The following TRIM24 variants were observed in gnomAD, a reference collection of about 807,000 sequenced individuals.
The protein encoded by TRIM24 is tripartite motif containing 24, also known as transcription intermediary factor 1-alpha.
TRIM24 carries 29 observed loss-of-function variants against 123.9 expected under a neutral mutation model. The observed-to-expected ratio is 0.23, with a 90% CI of 0.17 to 0.32. The LOEUF (loss-of-function observed/expected upper bound fraction) is 0.32. Among genes scored for constraint, TRIM24 ranks in the 10% least tolerant of loss-of-function variants. The probability of loss-of-function intolerance (pLI) is 1.00; values close to 1 mark genes in which losing one functional copy is unlikely to be tolerated. For missense variants in TRIM24, 932 were observed against 1,295.3 expected (o/e 0.72, Z 4.31); for synonymous variants, 456 against 461.1 (o/e 0.99, Z 0.14).
In TRIM24 at chr7:138,586,952, C is replaced by G. The variant is rs1026605216; in HGVS notation, c.*2001C>G. ...AAACTGTCACTATTACATTCAGTGC[C>G]ATATTTATCTTTCAAAACAGTATTT... On this transcript the variant is annotated 3_prime_UTR_variant, in exon 19 of 19. Coordinates refer to ENST00000343526, the MANE Select transcript of TRIM24 (RefSeq NM_015905.3). 1 of 152,146 alleles carries G rather than the reference C, an allele frequency of 6.6e-6. No homozygotes were observed. The highest frequency in any genetic ancestry group is 2.4e-5 in the African/African-American group (1 of 41,422). The allele number at this position is 152,146 out of a possible 1,614,324, so 9.4% of individuals were successfully genotyped here. A position where few individuals can be genotyped will look rare whatever the true frequency, so the allele number is the denominator to read the frequency against.
chr7:138,555,616 A>G lies in TRIM24; in HGVS notation c.1530+650A>G, dbSNP rs531972586. Among the ~76,000 whole-genome samples the G allele has an allele frequency of 4.0e-5, 6 of 151,286 alleles. No homozygotes were observed. The East Asian group carries it at 9.8e-4, about 25-fold the overall frequency. ...TCCCACCTCAGCCTCCCAAGTAGCT[A>G]GGACTATAGGCATGTGCCACCACAC... On this transcript the variant is annotated intron_variant, in intron 9 of 18. Coordinates refer to ENST00000343526, the MANE Select transcript of TRIM24 (RefSeq NM_015905.3).
chr7:138,550,344 T>TGTGC (rs1271249763), intron 7 of TRIM24, among the ~76,000 whole-genome samples: 4 of 151,850 alleles, frequency 2.6e-5, no homozygotes, highest in East Asian at 1.9e-4. Flanking sequence ...TGTGTGTGTG[T>TGTGC]GCAAAGTCTT....
intron 10 of TRIM24, among the ~76,000 whole-genome samples, chr7:138,569,645 T>A (rs1286713957): frequency 6.6e-6 from 1 of 151,594 alleles, no homozygotes; most frequent in Non-Finnish European, 1.5e-5. Context: ...GAGGGAGGAG[T>A]AGGTGGTAAA....
chr7:138,538,330 A>G (rs1796936159), intron 6 of TRIM24, among the ~76,000 whole-genome samples: 1 of 152,128 alleles, frequency 6.6e-6, no homozygotes. Flanking sequence ...CATCTGTTTT[A>G]TTTGTGAATG....
intron 17 of TRIM24, 41 bp from the exon 18 acceptor site, chr7:138,583,809 A>C: frequency 7.4e-7 from 1 of 1,352,280 alleles, no homozygotes. Context: ...GACAAGGTGG[A>C]ATTTAGCTAT....
intron 4 of TRIM24, 149 bp downstream of exon 4, chr7:138,519,470 C>A: frequency 1.2e-6 from 1 of 826,784 alleles, no homozygotes; most frequent in Non-Finnish European, 1.8e-6. Flanking sequence ...TCACTTTTGA[C>A]ACTATTGATG....
At position 138,586,786 on chromosome 7, in the gene TRIM24, G is replaced by T. The variant is rs777379246; in HGVS notation, c.*1835G>T. On this transcript the variant is annotated 3_prime_UTR_variant, in exon 19 of 19. Coordinates refer to ENST00000343526, the MANE Select transcript of TRIM24 (RefSeq NM_015905.3). ...TTGTTGGTATCTTAGAATACTGTTCGTCTGACAGTTTATTCTTCCATACTT... is the reference window on the plus strand; with the variant it reads ...TTGTTGGTATCTTAGAATACTGTTCTTCTGACAGTTTATTCTTCCATACTT... 6.6e-6 allele frequency: 1 copy of T among 152,100 alleles called. No individual in the cohort carries two copies. The highest frequency in any genetic ancestry group is 2.4e-5 in the African/African-American group (1 of 41,432). 9.4% of individuals were successfully genotyped at this position (152,100 alleles called of 1,614,324 possible). A position where few individuals can be genotyped will look rare whatever the true frequency, so the allele number is the denominator to read the frequency against.
intron 5 of TRIM24, 41 bp from the exon 6 acceptor site, chr7:138,529,075 C>CA (rs767143439): frequency 8.6e-6 from 11 of 1,273,440 alleles, no homozygotes; most frequent in Admixed American, 2.6e-5. Flanking sequence ...AAATATTATA[C>CA]AAAAAAACTG....
chr7:138,560,382 T>G (rs1189992286), intron 9 of TRIM24, among the ~76,000 whole-genome samples: 1 of 152,214 alleles, frequency 6.6e-6, no homozygotes, highest in African/African-American at 2.4e-5. Flanking sequence ...TCATGCTTTC[T>G]CTGTTCTGGT....
chr7:138,460,979 C>T (rs1410525679), intron 1 of TRIM24, 67 bp downstream of exon 1: 1 of 1,315,736 alleles, frequency 7.6e-7, no homozygotes, highest in Non-Finnish European at 9.7e-7. Flanking sequence ...CGCCCTTGTG[C>T]GGCGCGACCC....
Position 138,579,309 on chromosome 7 carries a change from G to T in TRIM24, c.2362G>T (p.Asp788Tyr). The change falls in exon 15 of 19, where the codon GAT (aspartate) becomes TAT (tyrosine). Residue 788 changes from aspartate to tyrosine, a missense_variant. Physicochemically the swap from Asp to Tyr is radical, Grantham distance 160. Coordinates refer to ENST00000343526, the MANE Select transcript of TRIM24 (RefSeq NM_015905.3). The stretch of plus-strand genomic sequence containing the variant: ...ATCAGATGCCCCTGATAGTACAGGA[G>T]ATCAACCTGGACTTCACCAGGACAA... ...LRSDAPDSTG[D>Y]QPGLHQDNSS... The T allele has an allele frequency of 1.2e-6, 2 of 1,614,162 alleles. No individual in the cohort carries two copies. The highest frequency in any genetic ancestry group is 1.7e-6 in the Non-Finnish European group (2 of 1,180,008).
intron 7 of TRIM24, among the ~76,000 whole-genome samples, chr7:138,539,176 C>A (rs545686458): frequency 6.6e-6 from 1 of 151,960 alleles, no homozygotes; most frequent in East Asian, 1.9e-4. Context: ...CTATTCACCC[C>A]CCTTGTACAC....
chr7:138,469,700 C>T (rs976080955), intron 1 of TRIM24, among the ~76,000 whole-genome samples: 4 of 152,054 alleles, frequency 2.6e-5, no homozygotes, highest in Non-Finnish European at 4.4e-5. Flanking sequence ...TGTGGTGTGG[C>T]ACACCACATA....
Position 138,579,242 on chromosome 7 carries a change from A to AAAT in TRIM24, c.2297_2299dup (p.Asn766dup), listed in dbSNP as rs1797841814. 1.2e-6 allele frequency: 2 copies of AAAT among 1,608,068 alleles called. No homozygotes were observed. Among genetic ancestry groups the AAAT allele is most frequent in the Non-Finnish European group, 1.7e-6 (2 of 1,176,252 alleles). On this transcript the variant is annotated inframe_insertion, in exon 15 of 19. Coordinates refer to ENST00000343526, the MANE Select transcript of TRIM24 (RefSeq NM_015905.3). ...GAAGCATACTCACCTCCCTGCTCTT[A>AAAT]AATAGCAGTCAGAGCTCTACTTCTG...
chr7:138,517,587 T>G (rs560824173), intron 3 of TRIM24, among the ~76,000 whole-genome samples: 25 of 152,282 alleles, frequency 1.6e-4, no homozygotes, highest in African/African-American at 5.5e-4. Context: ...TTGGCCAGGC[T>G]GGTCTCGAAC....
At chr7:138,466,517 T>G (rs1451218981) in intron 1 of TRIM24, among the ~76,000 whole-genome samples, 1 of 120,206 alleles carries the variant, frequency 8.3e-6, no homozygotes, top group Non-Finnish European at 1.6e-5. Context: ...CATACTGGAG[T>G]GCAGTGGCGC....
intron 15 of TRIM24, among the ~76,000 whole-genome samples, chr7:138,579,904 C>CA (rs1797856111): frequency 1.3e-5 from 2 of 152,126 alleles, no homozygotes; most frequent in South Asian, 4.2e-4. Flanking sequence ...GACTGGGCAA[C>CA]AGAGCAAGAC....
At chr7:138,489,333 T>C (rs1287662767) in intron 1 of TRIM24, among the ~76,000 whole-genome samples, 1 of 152,216 alleles carries the variant, frequency 6.6e-6, no homozygotes, top group Non-Finnish European at 1.5e-5. Flanking sequence ...AATTGGGGCA[T>C]TTAGCCCATT....
rs774022911 is a variant in TRIM24, at chr7:138,580,730, T to C, written c.2718+36T>C. The stretch of plus-strand genomic sequence containing the variant: ...GGTAAGATGCATTATTGTATTGTAG[T>C]GCAATATTGTACTGTGGTACCTTTT... On this transcript the variant is annotated intron_variant, in intron 16 of 18. Coordinates refer to ENST00000343526, the MANE Select transcript of TRIM24 (RefSeq NM_015905.3). 2.5e-6 allele frequency: 4 copies of C among 1,598,992 alleles called. No homozygotes were observed. In the East Asian group the frequency reaches 9.0e-5, roughly 36 times the overall value.
Sources: allele counts gnomAD v4.1 joint callset (sites outside exome capture counted in the v4.1 genomes callset), GRCh38; gene constraint gnomAD v4.1.1; transcripts MANE v1.5; gene names NCBI Gene and HGNC (gene_info 2026-07-23, HGNC 2026-07-21).